KDM4C: variants seen among roughly 807,000 people sequenced by gnomAD.
KDM4C encodes lysine-specific demethylase 4C.
A neutral mutation model predicts 129.3 loss-of-function variants in KDM4C; 81 were observed. That is an observed-to-expected ratio of 0.63 (90% confidence interval 0.52 to 0.75). KDM4C has a LOEUF of 0.75. Ranked by LOEUF, KDM4C falls within the 30% of genes least tolerant of loss-of-function variation. The probability of loss-of-function intolerance (pLI) is 0.00; values close to 1 mark genes in which losing one functional copy is unlikely to be tolerated. For missense variants in KDM4C, 1,457 were observed against 1,304.0 expected, an observed-to-expected ratio of 1.12 and a Z score of -1.81; for synonymous variants, 573 against 456.1, an observed-to-expected ratio of 1.26 and a Z score of -3.26.
intron 2 of KDM4C, among the ~76,000 whole-genome samples, chr9:6,804,288 C>A (rs916887887): frequency 6.6e-6 from 1 of 152,192 alleles, no homozygotes; most frequent in African/African-American, 2.4e-5. Flanking sequence ...CTCTTCCCAG[C>A]TGCTTATGTA....
intron 17 of KDM4C, among the ~76,000 whole-genome samples, chr9:7,059,301 T>G (rs749701060): frequency 1.3e-5 from 2 of 152,112 alleles, no homozygotes; most frequent in Non-Finnish European, 2.9e-5. Context: ...TGAGGTCTGA[T>G]TGTGTTGCCC....
intron 8 of KDM4C, among the ~76,000 whole-genome samples, chr9:6,939,976 A>ACTTTCCTTCCTTCCTTCCTT (rs1825578062): frequency 2.1e-5 from 2 of 93,480 alleles, no homozygotes; most frequent in Admixed American, 1.0e-4. Flanking sequence ...CTACCTACCT[A>ACTTTCCTTCCTTCCTTCCTT]CCTTCCTTCC....
chr9:6,772,932 G>A (rs1563971260), intron 1 of KDM4C, among the ~76,000 whole-genome samples: 2 of 151,556 alleles, frequency 1.3e-5, no homozygotes, highest in African/African-American at 2.4e-5. Flanking sequence ...TTGACCGCAG[G>A]TGATCCACCC....
At chr9:7,003,303 T>G (rs948531120) in intron 12 of KDM4C, among the ~76,000 whole-genome samples, 2 of 152,106 alleles carry the variant, frequency 1.3e-5, no homozygotes, top group African/African-American at 4.8e-5. Context: ...TTCCTTGTTT[T>G]TGTTCATGCG....
chr9:7,073,601 C>T (rs1007443791), intron 17 of KDM4C, among the ~76,000 whole-genome samples: 1 of 152,166 alleles, frequency 6.6e-6, no homozygotes, highest in Admixed American at 6.5e-5. Flanking sequence ...CAGTTATACT[C>T]CCTGTTTTTT....
At chr9:6,932,554 T>G (rs1823945596) in intron 8 of KDM4C, among the ~76,000 whole-genome samples, 2 of 152,306 alleles carry the variant, frequency 1.3e-5, no homozygotes, top group South Asian at 4.1e-4. Context: ...GCAGCCACTA[T>G]TCAAACCTTT....
At chr9:7,068,774 G>A (rs940696393) in intron 17 of KDM4C, among the ~76,000 whole-genome samples, 1 of 136,104 alleles carries the variant, frequency 7.3e-6, no homozygotes, top group African/African-American at 2.8e-5. Flanking sequence ...TTGGCTCACT[G>A]CATCCTCCTT....
intron 8 of KDM4C, among the ~76,000 whole-genome samples, chr9:6,964,957 A>G (rs1830691855): frequency 6.6e-6 from 1 of 151,982 alleles, no homozygotes; most frequent in Non-Finnish European, 1.5e-5. Flanking sequence ...TCGTCGGGAA[A>G]AAAAAAAAGC....
chr9:6,859,069 CTTTTTAG>C (rs982438535), intron 5 of KDM4C, among the ~76,000 whole-genome samples: 6 of 152,174 alleles, frequency 3.9e-5, no homozygotes, highest in Middle Eastern at 3.4e-3. Context: ...TATAAGCTTG[CTTTTTAG>C]TTAGTAGGGT....
chr9:6,993,462 G>A (rs1317560876), intron 12 of KDM4C, among the ~76,000 whole-genome samples: 2 of 152,116 alleles, frequency 1.3e-5, no homozygotes, highest in African/African-American at 4.8e-5. Context: ...CGCAAATGTT[G>A]TGTTGAAACC....
chr9:7,023,499 T>C (rs1221589519), intron 15 of KDM4C, among the ~76,000 whole-genome samples: 1 of 152,144 alleles, frequency 6.6e-6, no homozygotes, highest in Non-Finnish European at 1.5e-5. Flanking sequence ...CTTTTTCATC[T>C]CTGATTTTAT....
chr9:7,134,425 A>G (rs558582747), intron 19 of KDM4C, among the ~76,000 whole-genome samples: 2 of 152,370 alleles, frequency 1.3e-5, no homozygotes, highest in African/African-American at 4.8e-5. Flanking sequence ...TGTTCACATG[A>G]TGCATAAATC....
At chr9:7,062,857 C>CT (rs1344318276) in intron 17 of KDM4C, among the ~76,000 whole-genome samples, 4 of 152,154 alleles carry the variant, frequency 2.6e-5, no homozygotes, top group Admixed American at 6.5e-5. Flanking sequence ...CTATTGACTT[C>CT]TTTTTTTCCA....
intron 1 of KDM4C, among the ~76,000 whole-genome samples, chr9:6,788,468 G>C (rs1255544559): frequency 6.6e-6 from 1 of 152,168 alleles, no homozygotes; most frequent in African/African-American, 2.4e-5. Flanking sequence ...TCACTGCCCA[G>C]ATTTTTCTGT....
At chr9:7,107,037 T>A (rs1837772905) in intron 18 of KDM4C, among the ~76,000 whole-genome samples, 1 of 152,188 alleles carries the variant, frequency 6.6e-6, no homozygotes, top group Non-Finnish European at 1.5e-5. Context: ...ATTTTTAGCA[T>A]GTGTTTGCCA....
intron 16 of KDM4C, 51 bp from the exon 17 acceptor site, chr9:7,049,041 T>C: frequency 4.2e-6 from 5 of 1,188,140 alleles, no homozygotes; most frequent in African/African-American, 1.5e-5. Flanking sequence ...CAAGTTGAAG[T>C]ATGTAAGTTT....
chr9:6,930,153 T>G (rs2131297050), intron 8 of KDM4C, among the ~76,000 whole-genome samples: 3 of 152,326 alleles, frequency 2.0e-5, no homozygotes, highest in East Asian at 3.9e-4. Flanking sequence ...AATTAAATTA[T>G]TAGCAGTCAG....
intron 4 of KDM4C, among the ~76,000 whole-genome samples, chr9:6,815,797 T>C (rs1352915744): frequency 6.6e-6 from 1 of 152,152 alleles, no homozygotes; most frequent in Non-Finnish European, 1.5e-5. Context: ...CTGAAATACC[T>C]CTGGGCCCAA....
intron 1 of KDM4C, among the ~76,000 whole-genome samples, chr9:6,783,413 A>G (rs1824794798): frequency 6.6e-6 from 1 of 152,196 alleles, no homozygotes; most frequent in South Asian, 2.1e-4. Context: ...ACAGCTTTAT[A>G]CTCATCTTCA....
Sources: gnomAD v4.1 joint callset for allele counts (sites outside exome capture counted in the v4.1 genomes callset) on GRCh38, gnomAD v4.1.1 for gene constraint, MANE v1.5 for transcripts, NCBI Gene and HGNC (gene_info 2026-07-23, HGNC 2026-07-21) for gene names.